KRT86: variants seen among roughly 807,000 people sequenced by gnomAD.
KRT86 encodes the protein keratin 86.
In KRT86, 30 loss-of-function variants were observed where a neutral mutation model predicts 41.2. That is an observed-to-expected ratio of 0.73 (90% CI 0.54 to 0.99). The LOEUF (loss-of-function observed/expected upper bound fraction) is 0.99, where lower values mean the gene tolerates loss of function less well. Ranked by LOEUF, KRT86 falls within the 50% of genes least tolerant of loss-of-function variation. KRT86 has a pLI of 0.00. For missense variants in KRT86, 561 were observed against 571.4 expected (o/e 0.98, Z 0.19); for synonymous variants, 238 against 238.1 (o/e 1.00, Z 0.00).
Position 52,274,696 on chromosome 12 carries a change from G to A in KRT86, c.-157G>A. On this transcript the variant is annotated 5_prime_UTR_variant, in exon 1 of 11. Coordinates refer to ENST00000423955, the MANE Select transcript of KRT86 (RefSeq NM_001320198.2). ...GGGCTTTGGTGCTCAAGAGAGGCTT[G>A]GAGGAGACCACAGTTCTTTCTCCAT... The A allele has an allele frequency of 2.0e-6, 2 of 985,404 alleles. No individual in the cohort carries two copies. The highest frequency in any genetic ancestry group is 2.4e-6 in the Non-Finnish European group (2 of 829,944). 61.0% of individuals were successfully genotyped at this position (985,404 alleles called of 1,614,324 possible).
At chr12:52,307,751 A>T (rs2121320090) in intron 9 of KRT86, among the ~76,000 whole-genome samples, 1 of 152,324 alleles carries the variant, frequency 6.6e-6, no homozygotes, top group East Asian at 1.9e-4. Flanking sequence ...GAAGGAATAG[A>T]CAAAAATGTC....
chr12:52,295,133 T>A (rs559789297), intron 2 of KRT86, among the ~76,000 whole-genome samples: 4 of 152,354 alleles, frequency 2.6e-5, no homozygotes, highest in Non-Finnish European at 5.9e-5. Flanking sequence ...CTATTTTTTT[T>A]AAAGTTATGT....
chr12:52,301,983 G>C lies in KRT86; in HGVS notation c.67G>C (p.Gly23Arg). 1.9e-6 allele frequency: 3 copies of C among 1,613,192 alleles called. No individual in the cohort carries two copies. Among genetic ancestry groups the C allele is most frequent in the Non-Finnish European group, 2.5e-6 (3 of 1,179,646 alleles). The change falls in exon 3 of 11, where the codon GGC becomes CGC. Residue 23 changes from glycine (G) to arginine (R), a missense_variant. By Grantham distance (125) the Gly-to-Arg change is moderately radical (BLOSUM62 -2). This residue lies in a region of KRT86 where 164 missense variants were observed against 172.5 expected (regional missense o/e 0.95). Transcript: ENST00000423955. The stretch of plus-strand genomic sequence containing the variant: ...CATCTCGGCCTGCGGGCCCCGGCCC[G>C]GCCGCTGCTGCATCACCGCCGCCCC... ...SCISACGPRPGRCCITAAPYR... is the reference protein window; with the variant it reads ...SCISACGPRPRRCCITAAPYR...
Position 52,305,746 on chromosome 12 carries a change from G to A in KRT86, c.984G>A (p.Met328Ile), listed in dbSNP as rs752211932. ...TKEEINELNRMIQRLTAEVEN... is the reference protein window; with the variant it reads ...TKEEINELNRIIQRLTAEVEN... ...AGGAGATCAACGAGCTGAACCGCAT[G>A]ATCCAGAGGCTGACGGCTGAGGTGG... The change falls in exon 8 of 11, where the codon ATG (methionine) becomes ATA (isoleucine). Residue 328 changes from methionine (M) to isoleucine (I), a missense_variant. Physicochemically the swap from Met to Ile is conservative, Grantham distance 10 (BLOSUM62 1). Around this residue, in one of 3 missense-constraint regions of KRT86, gnomAD observed 397 missense variants for 375.9 expected, o/e 1.06. Transcript: ENST00000423955. The A allele has an allele frequency of 5.0e-6, 8 of 1,613,972 alleles. No homozygotes were observed. The highest frequency in any genetic ancestry group is 1.1e-5 in the South Asian group (1 of 91,084).
chr12:52,281,201 G>A (rs1336776124), intron 2 of KRT86, among the ~76,000 whole-genome samples: 1 of 152,196 alleles, frequency 6.6e-6, no homozygotes, highest in African/African-American at 2.4e-5. Flanking sequence ...TTGTGAGTCG[G>A]GTGGCTTCTG....
intron 2 of KRT86, among the ~76,000 whole-genome samples, chr12:52,297,355 A>G (rs1938274274): frequency 6.6e-6 from 1 of 152,202 alleles, no homozygotes; most frequent in African/African-American, 2.4e-5. Flanking sequence ...TCCAGAACCC[A>G]TGTTTCCTTC....
intron 2 of KRT86, among the ~76,000 whole-genome samples, chr12:52,281,880 A>G (rs1937779239): frequency 1.3e-5 from 2 of 152,116 alleles, no homozygotes; most frequent in Non-Finnish European, 2.9e-5. Context: ...CTGGGACTAC[A>G]GGCACATGCC....
At chr12:52,301,730 G>A in intron 2 of KRT86, 183 bp from the exon 3 acceptor site, 1 of 1,125,074 alleles carries the variant, frequency 8.9e-7, no homozygotes, top group Non-Finnish European at 1.3e-6. Context: ...TAAGTGGGGA[G>A]CGACAGCAGC....
chr12:52,302,841 T>TGGGG (rs71092757), intron 3 of KRT86, among the ~76,000 whole-genome samples: 51 of 127,188 alleles, frequency 4.0e-4, no homozygotes, highest in Middle Eastern at 4.1e-3. Flanking sequence ...GGGTGGGGGG[T>TGGGG]GGGGGGGGGG....
rs567469980 is a variant in KRT86 at position 52,306,353 on chromosome 12, C to T, written c.1247+73C>T. ...GTGTGCTCTGTCCTCACACTCCTGG[C>T]AGCATTTAAGTTTTGTTTCTTAACC... is the stretch of plus-strand genomic sequence containing the variant. On this transcript the variant is annotated intron_variant, in intron 9 of 10. Coordinates refer to ENST00000423955, the MANE Select transcript of KRT86 (RefSeq NM_001320198.2). 4.4e-6 allele frequency: 7 copies of T among 1,608,164 alleles called. No homozygotes were observed. The East Asian group carries it at 1.6e-4, about 36-fold the overall frequency.
intron 2 of KRT86, among the ~76,000 whole-genome samples, chr12:52,290,543 C>CA (rs1482140317): frequency 1.7e-4 from 3 of 17,834 alleles, no homozygotes; most frequent in Admixed American, 4.0e-4. Flanking sequence ...GACCCCCCCC[C>CA]CCCAACCCAA....
intron 6 of KRT86, 64 bp downstream of exon 6, chr12:52,305,091 T>A (rs1592438865): frequency 9.3e-6 from 15 of 1,606,604 alleles, no homozygotes; most frequent in Non-Finnish European, 1.1e-5. Context: ...GGGGTGGGAG[T>A]GTTGGACAGG....
rs367697043 is a variant in KRT86, at chr12:52,297,604, C to T, written c.-4-4309C>T. 2.5e-4 allele frequency among the ~76,000 whole-genome samples: 38 copies of T among 152,184 alleles called. 1 individual carries two copies. In the East Asian group the frequency reaches 6.8e-3, roughly 27 times the overall value. On this transcript the variant is annotated intron_variant, in intron 2 of 10. Coordinates refer to ENST00000423955, the MANE Select transcript of KRT86 (RefSeq NM_001320198.2). ...TAATTTGCCCATTCTTTACAAGTGC[C>T]CCTTGAAATAAAGGTCCACTTGGGC...
At chr12:52,291,326 C>G (rs1938112318) in intron 2 of KRT86, 1 of 1,554,078 alleles carries the variant, frequency 6.4e-7, no homozygotes, top group Non-Finnish European at 8.7e-7. Flanking sequence ...CACGCTGTGG[C>G]TGCCGAAGCC....
chr12:52,296,926 C>T (rs1002736255), intron 2 of KRT86, among the ~76,000 whole-genome samples: 1 of 152,246 alleles, frequency 6.6e-6, no homozygotes, highest in Non-Finnish European at 1.5e-5. Flanking sequence ...AGCTGTGTAG[C>T]AGAGTCTCAG....
rs760672911 is a variant in KRT86, at chr12:52,287,255, C to T, written c.-5+11309C>T. ...GCCCTCCAGCTCGGCCAGCTTGCAGCGGGCATCACTGAGGGCCGCCTCACC... is the reference window on the plus strand; with the variant it reads ...GCCCTCCAGCTCGGCCAGCTTGCAGTGGGCATCACTGAGGGCCGCCTCACC... On this transcript the variant is annotated intron_variant, in intron 2 of 10. Transcript: ENST00000423955. 9.4e-5 allele frequency: 151 copies of T among 1,614,110 alleles called. 2 individuals are homozygous for T. The South Asian group carries it at 1.1e-3, about 12-fold the overall frequency.
At chr12:52,286,360 G>A (rs373705395) in intron 2 of KRT86, 370 of 1,555,050 alleles carry the variant, frequency 2.4e-4, no homozygotes, top group Middle Eastern at 6.8e-4. Context: ...TCAATTGGCC[G>A]CAGGGCGCAC....
intron 2 of KRT86, chr12:52,286,112 G>C: frequency 1.3e-6 from 1 of 753,282 alleles, no homozygotes; most frequent in Non-Finnish European, 2.3e-6. Flanking sequence ...GGATCACACA[G>C]AGAAATGTGA....
intron 2 of KRT86, among the ~76,000 whole-genome samples, chr12:52,284,972 T>C (rs971513596): frequency 2.6e-5 from 4 of 152,216 alleles, no homozygotes; most frequent in African/African-American, 4.8e-5. Context: ...TAATAAGAGG[T>C]TGGCCATAAG....
Sources: allele counts gnomAD v4.1 joint callset (sites outside exome capture counted in the v4.1 genomes callset), GRCh38; gene constraint gnomAD v4.1.1; regional missense constraint gnomAD v4.1.1; transcripts MANE v1.5; gene names NCBI Gene and HGNC (gene_info 2026-07-23, HGNC 2026-07-21).